Variants in DHRSX observed in about 807,000 individuals in gnomAD.
DHRSX encodes polyprenol dehydrogenase.
Under a neutral mutation model 34.0 loss-of-function variants are expected in DHRSX, and 31 were observed. The ratio of observed to expected loss-of-function variants is 0.91; its 90% CI spans 0.69 to 1.23. The LOEUF (loss-of-function observed/expected upper bound fraction) is 1.23, where lower values mean the gene tolerates loss of function less well. Ranked by LOEUF, DHRSX falls within the 50% of genes most tolerant of loss-of-function variation. DHRSX has a pLI of 0.00. For missense variants in DHRSX, 414 were observed against 428.1 expected (o/e 0.97, Z 0.29); for synonymous variants, 201 against 183.8 (o/e 1.09, Z -0.76).
rs140724650 is a variant in DHRSX, at chrX:2,223,835, C to T, written c.805-2606G>A. 5.3e-3 allele frequency among the ~76,000 whole-genome samples: 804 copies of T among 152,228 alleles called. 4 individuals carry two copies. Among genetic ancestry groups the T allele is most frequent in the African/African-American group, 0.019 (772 of 41,536 alleles). On this transcript the variant is annotated intron_variant, in intron 6 of 6. Transcript: ENST00000334651. ...TCCATCATCTTGTAGCTGGAAAATACGGAGTCTTTCTGGGGCCCAGCCCAC... is the reference window on the plus strand; with the variant it reads ...TCCATCATCTTGTAGCTGGAAAATATGGAGTCTTTCTGGGGCCCAGCCCAC...
Position 2,437,789 on chromosome X carries a change from A to G in DHRSX, c.110-12485T>C, listed in dbSNP as rs778011038. On this transcript the variant is annotated intron_variant, in intron 1 of 6. Transcript: ENST00000334651. Reference sequence around the variant, plus strand: ...GAAGATGACCAGCAGCCAAAAACCCAACAAAGCTGGTCCCAGGAACACATT... The same window carrying G: ...GAAGATGACCAGCAGCCAAAAACCCGACAAAGCTGGTCCCAGGAACACATT... Among the ~76,000 whole-genome samples, 16 of 151,636 alleles carry G rather than the reference A, an allele frequency of 1.1e-4. No homozygotes were observed. In the East Asian group the frequency reaches 2.7e-3, roughly 26 times the overall value.
At chrX:2,270,056 C>T (rs1486067507) in intron 4 of DHRSX, among the ~76,000 whole-genome samples, 1 of 151,792 alleles carries the variant, frequency 6.6e-6, no homozygotes, top group Non-Finnish European at 1.5e-5. Flanking sequence ...GAGGTGTATC[C>T]GTAGGTGTAT....
intron 3 of DHRSX, among the ~76,000 whole-genome samples, chrX:2,307,876 T>C (rs777306855): frequency 6.6e-6 from 1 of 151,564 alleles, no homozygotes; most frequent in South Asian, 2.1e-4. Flanking sequence ...GATCTGCGCA[T>C]AGGACACAGG....
At chrX:2,304,458 G>A (rs931156630) in intron 3 of DHRSX, among the ~76,000 whole-genome samples, 8 of 152,144 alleles carry the variant, frequency 5.3e-5, no homozygotes, top group African/African-American at 1.9e-4. Flanking sequence ...AGTGCTGGAG[G>A]TGGACCCTTG....
intron 3 of DHRSX, chrX:2,336,305 A>C (rs2042562556): frequency 6.6e-6 from 1 of 152,122 alleles, no homozygotes; most frequent in Non-Finnish European, 1.5e-5. Flanking sequence ...ACCACGCCAG[A>C]CTGCAGTAGT....
intron 3 of DHRSX, among the ~76,000 whole-genome samples, chrX:2,312,898 A>G (rs1279509247): frequency 2.0e-5 from 3 of 152,136 alleles, no homozygotes; most frequent in Non-Finnish European, 4.4e-5. Context: ...GCTGACCGCA[A>G]GTCTTAGACA....
At chrX:2,396,195 T>G (rs115885949) in intron 3 of DHRSX, among the ~76,000 whole-genome samples, 5 of 152,128 alleles carry the variant, frequency 3.3e-5, no homozygotes, top group African/African-American at 1.2e-4. Context: ...TATCATTGGA[T>G]TTAAGACTCA....
intron 3 of DHRSX, among the ~76,000 whole-genome samples, chrX:2,339,242 TCTC>T (rs1291456849): frequency 3.3e-5 from 5 of 151,850 alleles, no homozygotes; most frequent in Non-Finnish European, 7.4e-5. Context: ...CTCAAGCAAT[TCTC>T]CTACCTCAGC....
At chrX:2,239,997 A>C (rs1469232909) in intron 6 of DHRSX, among the ~76,000 whole-genome samples, 1 of 152,130 alleles carries the variant, frequency 6.6e-6, no homozygotes, top group South Asian at 2.1e-4. Flanking sequence ...CAAACTGCAA[A>C]ATAAGGGATG....
At chrX:2,275,706 T>C (rs2041620229) in intron 4 of DHRSX, among the ~76,000 whole-genome samples, 1 of 151,500 alleles carries the variant, frequency 6.6e-6, no homozygotes, top group Admixed American at 6.6e-5. Context: ...ATTTGCCTGT[T>C]TTTTTCTGGG....
At chrX:2,480,583 T>C (rs768808086) in intron 1 of DHRSX, among the ~76,000 whole-genome samples, 44 of 151,658 alleles carry the variant, frequency 2.9e-4, no homozygotes, top group African/African-American at 1.0e-3. Flanking sequence ...CTTGGGAGGC[T>C]GAGGCAGGAG....
chrX:2,490,620 T>C (rs1467564774), intron 1 of DHRSX: 9 of 1,613,822 alleles, frequency 5.6e-6, no homozygotes, highest in African/African-American at 1.3e-5. Context: ...CCCTCGGCGT[T>C]GGTGTCGAAG....
chrX:2,327,360 C>G (rs368866944), intron 3 of DHRSX, among the ~76,000 whole-genome samples: 1 of 152,152 alleles, frequency 6.6e-6, no homozygotes, highest in Non-Finnish European at 1.5e-5. Flanking sequence ...ACCACAGAAA[C>G]GAGATGCCTC....
At chrX:2,433,436 C>T (rs1379503539) in intron 1 of DHRSX, among the ~76,000 whole-genome samples, 8 of 151,764 alleles carry the variant, frequency 5.3e-5, no homozygotes, top group Admixed American at 2.0e-4. Flanking sequence ...GTGTAGAACG[C>T]GCAGGTTTGT....
chrX:2,299,014 A>AAAAAAT lies in DHRSX; in HGVS notation c.287-7412_287-7411insATTTTT, dbSNP rs1191716751. ...AAAAAAAAAAAAAAAAAAAAAAAAAATGGGAAAAATGTGGAAGGATTCCTT... is the reference window on the plus strand; with the variant it reads ...AAAAAAAAAAAAAAAAAAAAAAAAAAAAAAATTGGGAAAAATGTGGAAGGATTCCTT... On this transcript the variant is annotated intron_variant, in intron 3 of 6. Coordinates refer to ENST00000334651, the MANE Select transcript of DHRSX (RefSeq NM_145177.3). 4.6e-4 allele frequency among the ~76,000 whole-genome samples: 61 copies of AAAAAAT among 131,564 alleles called. 6 individuals are homozygous for AAAAAAT. Among genetic ancestry groups the AAAAAAT allele is most frequent in the Middle Eastern group, 4.2e-3 (1 of 240 alleles). 86.3% of individuals were successfully genotyped at this position (131,564 alleles called of 152,430 possible).
intron 3 of DHRSX, among the ~76,000 whole-genome samples, chrX:2,344,026 G>C (rs1174765159): frequency 1.3e-5 from 2 of 152,044 alleles, no homozygotes; most frequent in Non-Finnish European, 2.9e-5. Flanking sequence ...CGTGCATCTT[G>C]GGGCTTCTGT....
chrX:2,242,766 C>T (rs1473048462), intron 6 of DHRSX, among the ~76,000 whole-genome samples: 2 of 152,028 alleles, frequency 1.3e-5, no homozygotes, highest in East Asian at 1.9e-4. Flanking sequence ...AATAATCCCC[C>T]CCTCGTTTAG....
intron 3 of DHRSX, among the ~76,000 whole-genome samples, chrX:2,348,698 T>G (rs73189670): frequency 1.3e-5 from 2 of 150,826 alleles, no homozygotes; most frequent in African/African-American, 4.9e-5. Context: ...TTTTATTTTT[T>G]TTTTTTTTAT....
intron 3 of DHRSX, among the ~76,000 whole-genome samples, chrX:2,398,246 C>T (rs1312817001): frequency 6.6e-6 from 1 of 152,178 alleles, no homozygotes; most frequent in Non-Finnish European, 1.5e-5. Flanking sequence ...AGCCTTGCTT[C>T]CAACTGCAGG....
Sources: allele counts gnomAD v4.1 joint callset (sites outside exome capture counted in the v4.1 genomes callset), GRCh38; gene constraint gnomAD v4.1.1; transcripts MANE v1.5; gene names NCBI Gene and HGNC (gene_info 2026-07-23, HGNC 2026-07-21).